The following S100Z variants were observed in gnomAD, a reference collection of about 807,000 sequenced individuals.
S100Z encodes S100 calcium binding protein Z, also known as protein S100-Z.
Under a neutral mutation model 8.5 loss-of-function variants are expected in S100Z, and 11 were observed. That is an observed-to-expected ratio of 1.30 (90% CI 0.82 to 2.15). The LOEUF is 2.15. Ranked by LOEUF, S100Z falls within the 30% of genes most tolerant of loss-of-function variation. The pLI, the probability that S100Z is intolerant of heterozygous loss-of-function variation, is 0.00. For missense variants in S100Z, 126 were observed against 117.9 expected, an observed-to-expected ratio of 1.07 and a Z score of -0.32; for synonymous variants, 34 against 43.8, an observed-to-expected ratio of 0.78 and a Z score of 0.89.
intron 4 of S100Z, among the ~76,000 whole-genome samples, chr5:76,902,027 A>T (rs1358108965): frequency 1.3e-5 from 2 of 152,054 alleles, no homozygotes; most frequent in African/African-American, 4.8e-5. Flanking sequence ...GTCTGGAATG[A>T]GGGCCTCTCA....
At position 76,921,397 on chromosome 5, in the gene S100Z, AT is replaced by A. The variant is rs1745032028; in HGVS notation, c.*685del. 6.6e-6 allele frequency: 1 copy of A among 152,232 alleles called. No individual in the cohort carries two copies. Among genetic ancestry groups the A allele is most frequent in the Non-Finnish European group, 1.5e-5 (1 of 68,038 alleles). 9.4% of individuals were successfully genotyped at this position (152,232 alleles called of 1,614,324 possible). A position where few individuals can be genotyped will look rare whatever the true frequency, so the allele number is the denominator to read the frequency against. On this transcript the variant is annotated 3_prime_UTR_variant, in exon 5 of 5. Transcript: ENST00000317593. ...TCTTGTTCCTTCTCTTTGGATGGGT[AT>A]TCAGACTCTTAATTTTACAAATGAA...
At chr5:76,927,997 C>T in the S100Z span, among the ~76,000 whole-genome samples, 7,952 of 152,136 alleles carry the variant, frequency 0.052, 289 homozygotes, top group Non-Finnish European at 0.08. Flanking sequence ...GCTCTGAGGA[C>T]GTGGGGGTTT....
chr5:76,925,675 A>G (rs1745126654), downstream of S100Z, among the ~76,000 whole-genome samples: 1 of 152,016 alleles, frequency 6.6e-6, no homozygotes, highest in Non-Finnish European at 1.5e-5. Context: ...CTTAATATAA[A>G]CGTATGTAAA....
At chr5:76,868,273 T>C (rs1253447097) in intron 1 of S100Z, among the ~76,000 whole-genome samples, 1 of 152,180 alleles carries the variant, frequency 6.6e-6, no homozygotes, top group Non-Finnish European at 1.5e-5. Flanking sequence ...GGTGCAGTCC[T>C]GGAGATTGAC....
At chr5:76,854,512 A>T (rs1750825936) in intron 1 of S100Z, among the ~76,000 whole-genome samples, 1 of 152,208 alleles carries the variant, frequency 6.6e-6, no homozygotes, top group African/African-American at 2.4e-5. Context: ...CTTGAGAGTG[A>T]TGATTTAGGG....
chr5:76,896,014 C>T (rs373966899), intron 4 of S100Z, among the ~76,000 whole-genome samples: 1 of 152,002 alleles, frequency 6.6e-6, no homozygotes, highest in South Asian at 2.1e-4. Flanking sequence ...CCACTTGCCT[C>T]GGCCTCTTAA....
chr5:76,867,596 C>A (rs11959244), intron 1 of S100Z, among the ~76,000 whole-genome samples: 3 of 126,778 alleles, frequency 2.4e-5, no homozygotes, highest in Admixed American at 7.9e-5. Context: ...TTTTTTTTTT[C>A]TTTTTTTTTT....
chr5:76,936,659 C>CACACA, the S100Z span, among the ~76,000 whole-genome samples: 1 of 61,966 alleles, frequency 1.6e-5, no homozygotes. Flanking sequence ...ACACACACAA[C>CACACA]CATGAAGGAA....
At chr5:76,923,566 T>G (rs1003280775), downstream of S100Z, among the ~76,000 whole-genome samples, 3 of 151,992 alleles carry the variant, frequency 2.0e-5, no homozygotes, top group Non-Finnish European at 2.9e-5. Flanking sequence ...CCAAGACAAA[T>G]GCAAGATACC....
At chr5:76,931,141 G>C in the S100Z span, among the ~76,000 whole-genome samples, 1 of 151,400 alleles carries the variant, frequency 6.6e-6, no homozygotes, top group African/African-American at 2.4e-5. Flanking sequence ...GTCTCACTCG[G>C]TCGTCGAGGG....
At chr5:76,850,747 G>A (rs960853019) in intron 1 of S100Z, among the ~76,000 whole-genome samples, 2 of 152,204 alleles carry the variant, frequency 1.3e-5, no homozygotes, top group Non-Finnish European at 2.9e-5. Flanking sequence ...GAGGGAAGAG[G>A]GATGGAGGGG....
chr5:76,884,703 C>T (rs1233118166), intron 4 of S100Z, among the ~76,000 whole-genome samples: 8 of 151,984 alleles, frequency 5.3e-5, no homozygotes, highest in Admixed American at 1.3e-4. Flanking sequence ...AGTCACGGAA[C>T]AAAACTGTAA....
At chr5:76,939,940 A>G in the S100Z span, among the ~76,000 whole-genome samples, 1 of 152,050 alleles carries the variant, frequency 6.6e-6, no homozygotes, top group Non-Finnish European at 1.5e-5. Context: ...CGGGCGGATC[A>G]CGAGGTCAAG....
Position 76,886,290 on chromosome 5 carries a change from C to T in S100Z, c.*2+8456C>T, listed in dbSNP as rs183802107. ...GACCTGCGCCGGAGTTTTGGGTCCA[C>T]GGATAAAATGTGTCTCCTTTGTCTC... On this transcript the variant is annotated intron_variant, in intron 4 of 4. Transcript: ENST00000317593. 1.4e-3 allele frequency among the ~76,000 whole-genome samples: 212 copies of T among 152,118 alleles called. 2 individuals are homozygous for T. Among genetic ancestry groups the T allele is most frequent in the Admixed American group, 0.011 (169 of 15,290 alleles).
At chr5:76,911,857 G>T (rs1009315456) in intron 4 of S100Z, among the ~76,000 whole-genome samples, 1 of 152,158 alleles carries the variant, frequency 6.6e-6, no homozygotes, top group Non-Finnish European at 1.5e-5. Context: ...CATTAAAACA[G>T]TTGCGGGGGT....
At chr5:76,909,931 G>A (rs1744588773) in intron 4 of S100Z, among the ~76,000 whole-genome samples, 1 of 152,174 alleles carries the variant, frequency 6.6e-6, no homozygotes, top group Admixed American at 6.5e-5. Flanking sequence ...CAAAAGTTTG[G>A]AGATACCTGG....
At chr5:76,863,344 T>C (rs1301565817) in intron 1 of S100Z, among the ~76,000 whole-genome samples, 1 of 152,104 alleles carries the variant, frequency 6.6e-6, no homozygotes, top group Non-Finnish European at 1.5e-5. Context: ...CACTTTAGAA[T>C]CAAAAAATTG....
At chr5:76,852,356 G>T (rs950670399) in intron 1 of S100Z, among the ~76,000 whole-genome samples, 1 of 152,148 alleles carries the variant, frequency 6.6e-6, no homozygotes, top group Non-Finnish European at 1.5e-5. Context: ...GTGGAAGCAG[G>T]CTGATGCTCC....
At chr5:76,899,255 C>T (rs1744149258) in intron 4 of S100Z, among the ~76,000 whole-genome samples, 1 of 152,110 alleles carries the variant, frequency 6.6e-6, no homozygotes, top group African/African-American at 2.4e-5. Flanking sequence ...AATTGTGTTT[C>T]TTGTAGACAA....
Sources: gnomAD v4.1 joint callset for allele counts (sites outside exome capture counted in the v4.1 genomes callset) on GRCh38, gnomAD v4.1.1 for gene constraint, MANE v1.5 for transcripts, NCBI Gene and HGNC (gene_info 2026-07-23, HGNC 2026-07-21) for gene names.